The following PCDHGA7 variants were observed in gnomAD, a reference collection of about 807,000 sequenced individuals.
The protein encoded by PCDHGA7 is protocadherin gamma-A7.
Under a neutral mutation model 58.3 loss-of-function variants are expected in PCDHGA7, and 44 were observed. The observed-to-expected ratio is 0.75, with a 90% CI of 0.59 to 0.97. PCDHGA7 has a LOEUF of 0.97. Among genes scored for constraint, PCDHGA7 ranks in the 50% least tolerant of loss-of-function variants. PCDHGA7 has a pLI of 0.00. For missense variants in PCDHGA7, 1,266 were observed against 1,188.7 expected (o/e 1.06, Z -0.96); for synonymous variants, 516 against 504.2 (o/e 1.02, Z -0.31).
In PCDHGA7 at chr5:141,384,667, A is replaced by G; in HGVS notation, c.1768A>G (p.Lys590Glu). ...CGCAGAGCCCGGCTACCTGGTGACC[A>G]AGGTGGTGGCGGTGGACAAAGATTC... Reference protein sequence around the residue: ...RSAEPGYLVTKVVAVDKDSGQ... With the variant: ...RSAEPGYLVTEVVAVDKDSGQ... Residue 590 changes from lysine (K) to glutamate (E), a missense_variant, in exon 1 of 4, where the codon AAG becomes GAG. Physicochemically the swap from Lys to Glu is moderately conservative, Grantham distance 56. Coordinates refer to ENST00000518325, the MANE Select transcript of PCDHGA7 (RefSeq NM_018920.4). 6.2e-7 allele frequency: 1 copy of G among 1,614,186 alleles called. No individual in the cohort carries two copies.
At chr5:141,481,913 CAAA>C (rs34114744) in intron 1 of PCDHGA7, among the ~76,000 whole-genome samples, 50 of 90,788 alleles carry the variant, frequency 5.5e-4, no homozygotes, top group African/African-American at 7.1e-4. Flanking sequence ...AACTCCATCT[CAAA>C]AAAAAAAAAA....
intron 1 of PCDHGA7, chr5:141,394,971 C>T: frequency 6.2e-7 from 1 of 1,613,938 alleles, no homozygotes. Context: ...GAGGCGCTGG[C>T]ACAAGTCACG....
At chr5:141,401,669 T>A (rs2094181201) in intron 1 of PCDHGA7, among the ~76,000 whole-genome samples, 1 of 152,234 alleles carries the variant, frequency 6.6e-6, no homozygotes, top group Admixed American at 6.5e-5. Context: ...TTTCTCAACA[T>A]CCTTGTAGGA....
intron 1 of PCDHGA7, chr5:141,392,685 A>C: frequency 8.3e-6 from 9 of 1,078,992 alleles, no homozygotes; most frequent in Non-Finnish European, 1.2e-5. Context: ...ACTGCAGCGA[A>C]ACCCGACCCC....
At position 141,477,811 on chromosome 5, in the gene PCDHGA7, C is replaced by T. The variant is rs1211574518; in HGVS notation, c.2425-16996C>T. The T allele has an allele frequency of 6.2e-7, 1 of 1,614,164 alleles. No homozygotes were observed. The highest frequency in any genetic ancestry group is 8.5e-7 in the Non-Finnish European group (1 of 1,180,026). ...TCACTGATCGCAATGACAATGCCCC[C>T]CAGGTCCTATATCCTCGGCCAGGTG... is the stretch of plus-strand genomic sequence containing the variant. On this transcript the variant is annotated intron_variant, in intron 1 of 3. Transcript: ENST00000518325. The surrounding 1 kb of genome is among the most constrained non-coding windows in gnomAD (Gnocchi z 4.9).
At chr5:141,403,267 C>A in intron 1 of PCDHGA7, 1 of 1,613,888 alleles carries the variant, frequency 6.2e-7, no homozygotes, top group Non-Finnish European at 8.5e-7. Context: ...GTCTGGTGAA[C>A]TTTAAAGTCC....
chr5:141,400,233 C>G (rs373858401), intron 1 of PCDHGA7: 21 of 1,613,872 alleles, frequency 1.3e-5, no homozygotes, highest in Non-Finnish European at 1.8e-5. Context: ...TCCTCCTGGC[C>G]GTGATTCTGG....
Position 141,464,048 on chromosome 5 carries a change from T to G in PCDHGA7, c.2425-30759T>G, listed in dbSNP as rs377735829. Reference sequence around the variant, plus strand: ...GGGAGGCCAAGGCGGGTGGATCACCTGAGGTCAGGAGTTCAAGGCCAGCCT... The same window carrying G: ...GGGAGGCCAAGGCGGGTGGATCACCGGAGGTCAGGAGTTCAAGGCCAGCCT... On this transcript the variant is annotated intron_variant, in intron 1 of 3. Transcript: ENST00000518325. 1.2e-4 allele frequency among the ~76,000 whole-genome samples: 18 copies of G among 152,260 alleles called. No individual in the cohort carries two copies. In the East Asian group the frequency reaches 3.5e-3, roughly 29 times the overall value.
chr5:141,491,109 A>G lies in PCDHGA7; in HGVS notation c.2425-3698A>G, dbSNP rs1039906987. 4.3e-6 allele frequency: 7 copies of G among 1,614,074 alleles called. No individual in the cohort carries two copies. The African/African-American group carries it at 9.3e-5, about 22-fold the overall frequency. ...CCCCAGGACTGTTCCTCGTGTCTAC[A>G]CACACTGGTGAGGTGCGCACAGCCC... On this transcript the variant is annotated intron_variant, in intron 1 of 3. Coordinates refer to ENST00000518325, the MANE Select transcript of PCDHGA7 (RefSeq NM_018920.4). The surrounding 1 kb of genome is among the most constrained non-coding windows in gnomAD (Gnocchi z 6.9).
chr5:141,438,623 TATATATATATATACACAC>T (rs1435936123), intron 1 of PCDHGA7, among the ~76,000 whole-genome samples: 532 of 42,826 alleles, frequency 0.012, 5 homozygotes, highest in African/African-American at 0.075. Flanking sequence ...TATATATATA[TATATATATATATACACAC>T]ACACACACAC....
chr5:141,404,906 C>G, intron 1 of PCDHGA7: 8 of 1,613,864 alleles, frequency 5.0e-6, no homozygotes, highest in Non-Finnish European at 5.1e-6. Context: ...CCATGGCCAG[C>G]CCCCTCTCTC....
chr5:141,390,286 G>A (rs1043842292), intron 1 of PCDHGA7: 2 of 1,613,848 alleles, frequency 1.2e-6, no homozygotes, highest in Non-Finnish European at 1.7e-6. Flanking sequence ...CATCAGGTGA[G>A]TTTCCTTTAA....
intron 1 of PCDHGA7, chr5:141,418,768 T>C (rs1216316680): frequency 6.2e-7 from 1 of 1,613,712 alleles, no homozygotes; most frequent in Non-Finnish European, 8.5e-7. Context: ...ACATTCTAAC[T>C]CAGCAGCCTT....
At chr5:141,452,106 CTCT>C (rs748460925) in intron 1 of PCDHGA7, among the ~76,000 whole-genome samples, 12 of 152,096 alleles carry the variant, frequency 7.9e-5, no homozygotes, top group South Asian at 4.1e-4. Flanking sequence ...GCTTTCTTTT[CTCT>C]TCTTATTTAT....
intron 1 of PCDHGA7, among the ~76,000 whole-genome samples, chr5:141,465,017 C>T (rs1278815002): frequency 6.6e-6 from 1 of 152,132 alleles, no homozygotes; most frequent in Non-Finnish European, 1.5e-5. Context: ...GCTAAGATTA[C>T]AGCCATGAAC....
At chr5:141,438,305 G>T (rs1287488865) in intron 1 of PCDHGA7, among the ~76,000 whole-genome samples, 2 of 151,822 alleles carry the variant, frequency 1.3e-5, no homozygotes, top group East Asian at 1.9e-4. Context: ...AAAGAAGTTG[G>T]TACCACCATA....
At chr5:141,412,367 A>C (rs1055060515) in intron 1 of PCDHGA7, 3 of 152,264 alleles carry the variant, frequency 2.0e-5, no homozygotes, top group Admixed American at 6.5e-5. Flanking sequence ...TTACCTGCTT[A>C]ATCATTTAAA....
intron 1 of PCDHGA7, chr5:141,413,388 C>G (rs765673305): frequency 6.2e-7 from 1 of 1,613,894 alleles, no homozygotes; most frequent in African/African-American, 1.3e-5. Context: ...TCCGCATAGT[C>G]TCCAGAGGTA....
At position 141,489,870 on chromosome 5, in the gene PCDHGA7, G is replaced by T; in HGVS notation, c.2425-4937G>T. On this transcript the variant is annotated intron_variant, in intron 1 of 3. Transcript: ENST00000518325. The surrounding 1 kb of genome is among the most constrained non-coding windows in gnomAD (Gnocchi z 4.5). ...GTGAAGCCCAGGCAAGACATCAGCT[G>T]GTGCTTACTGCTGTGGATGGGGGGA... 1.2e-6 allele frequency: 2 copies of T among 1,614,220 alleles called. No individual in the cohort carries two copies. The highest frequency in any genetic ancestry group is 1.7e-6 in the Non-Finnish European group (2 of 1,180,024).
Sources: gnomAD v4.1 joint callset for allele counts (sites outside exome capture counted in the v4.1 genomes callset) on GRCh38, gnomAD v4.1.1 for gene constraint, Gnocchi (gnomAD v3.1) non-coding constraint, MANE v1.5 for transcripts, NCBI Gene and HGNC (gene_info 2026-07-23, HGNC 2026-07-21) for gene names.